Variants in PDZD2 observed in about 807,000 individuals in gnomAD.
PDZD2 encodes the protein PDZ domain-containing protein 2.
A neutral mutation model predicts 220.7 loss-of-function variants in PDZD2; 90 were observed. The observed-to-expected ratio is 0.41, with a 90% CI of 0.34 to 0.49. PDZD2 has a LOEUF of 0.49. Ranked by LOEUF, PDZD2 falls within the 20% of genes least tolerant of loss-of-function variation. The pLI is 0.28. For synonymous variants in PDZD2, 1,375 were observed against 1,450.5 expected (o/e 0.95, Z 1.18); for missense variants, 3,174 against 3,608.5 (o/e 0.88, Z 3.08).
intron 1 of PDZD2, among the ~76,000 whole-genome samples, chr5:31,678,682 C>T (rs1010818114): frequency 6.6e-6 from 1 of 152,208 alleles, no homozygotes; most frequent in East Asian, 1.9e-4. Flanking sequence ...GTGGCACAAT[C>T]TCGGCTCACT....
At chr5:31,736,464 C>T (rs1375430508) in intron 1 of PDZD2, among the ~76,000 whole-genome samples, 2 of 152,130 alleles carry the variant, frequency 1.3e-5, no homozygotes, top group African/African-American at 4.8e-5. Context: ...CCTTCTTGAC[C>T]CATTTGCCCA....
intron 2 of PDZD2, among the ~76,000 whole-genome samples, chr5:31,906,568 T>C (rs1240856608): frequency 6.6e-6 from 1 of 152,010 alleles, no homozygotes; most frequent in African/African-American, 2.4e-5. Context: ...TATAGCCGGG[T>C]GCAGTGGCTC....
At chr5:32,035,640 A>G (rs1755478338) in intron 6 of PDZD2, among the ~76,000 whole-genome samples, 1 of 151,252 alleles carries the variant, frequency 6.6e-6, no homozygotes, top group African/African-American at 2.4e-5. Context: ...CCAGCTATAT[A>G]CTGAATTTAA....
Position 31,760,179 on chromosome 5 carries a change from C to T in PDZD2, c.-360-38710C>T, listed in dbSNP as rs117236830. ...GCGTTGATGGCTCTTATGTTGAACT[C>T]AGGCACAATTGCATTAAAACACATA... On this transcript the variant is annotated intron_variant, in intron 1 of 24. Transcript: ENST00000438447. Among the ~76,000 whole-genome samples, 18 of 152,220 alleles carry T rather than the reference C, an allele frequency of 1.2e-4. No individual in the cohort carries two copies. The East Asian group carries it at 2.3e-3, about 20-fold the overall frequency.
intron 6 of PDZD2, among the ~76,000 whole-genome samples, chr5:32,021,008 A>T (rs536076595): frequency 1.3e-5 from 2 of 150,200 alleles, no homozygotes; most frequent in East Asian, 3.9e-4. Flanking sequence ...TGCCGGGGGG[A>T]AAAAAACCCC....
chr5:31,829,993 A>T (rs1325127612), intron 2 of PDZD2, among the ~76,000 whole-genome samples: 2 of 152,010 alleles, frequency 1.3e-5, no homozygotes, highest in Non-Finnish European at 2.9e-5. Context: ...GGTTGCAGTG[A>T]ACCAAGATCA....
intron 7 of PDZD2, among the ~76,000 whole-genome samples, chr5:32,041,337 G>T (rs1350817457): frequency 6.6e-6 from 1 of 152,022 alleles, no homozygotes; most frequent in Non-Finnish European, 1.5e-5. Context: ...GTACCCAACA[G>T]CTCCGAAGAG....
intron 1 of PDZD2, among the ~76,000 whole-genome samples, chr5:31,777,357 C>T (rs1374616564): frequency 6.6e-6 from 1 of 152,220 alleles, no homozygotes; most frequent in Non-Finnish European, 1.5e-5. Flanking sequence ...GGGCTCCGAA[C>T]CTGCAGCCCG....
intron 2 of PDZD2, among the ~76,000 whole-genome samples, chr5:31,803,866 T>C (rs1262093489): frequency 6.6e-6 from 1 of 151,852 alleles, no homozygotes; most frequent in African/African-American, 2.4e-5. Context: ...CAAGTCCCCA[T>C]CTCTATAAAA....
chr5:31,914,056 A>G (rs144073713), intron 2 of PDZD2, among the ~76,000 whole-genome samples: 11 of 152,278 alleles, frequency 7.2e-5, no homozygotes, highest in Admixed American at 2.6e-4. Flanking sequence ...CAACCCAACT[A>G]CAGTGTGCCC....
chr5:31,857,697 T>C (rs980735124), intron 2 of PDZD2, among the ~76,000 whole-genome samples: 1 of 152,216 alleles, frequency 6.6e-6, no homozygotes, highest in Admixed American at 6.5e-5. Context: ...AGTTTCATTG[T>C]AAGACTTGGT....
intron 2 of PDZD2, among the ~76,000 whole-genome samples, chr5:31,870,998 T>C (rs1176107936): frequency 6.6e-6 from 1 of 151,778 alleles, no homozygotes; most frequent in Admixed American, 6.6e-5. Context: ...TCACAGGAAG[T>C]GGTGTAAAAA....
intron 14 of PDZD2, among the ~76,000 whole-genome samples, chr5:32,065,401 TA>T (rs199614547): frequency 0.018 from 2,771 of 152,338 alleles, 30 homozygotes; most frequent in Non-Finnish European, 0.028. Flanking sequence ...GTTCCCAGGC[TA>T]CTGTGCTTGA....
At chr5:31,828,792 T>C (rs1756382026) in intron 2 of PDZD2, among the ~76,000 whole-genome samples, 1 of 152,254 alleles carries the variant, frequency 6.6e-6, no homozygotes, top group Non-Finnish European at 1.5e-5. Context: ...TGAGCCACCA[T>C]GCCCAGCTAG....
At position 32,101,387 on chromosome 5, in the gene PDZD2, A is replaced by G. The variant is rs181281343; in HGVS notation, c.8353+148A>G. The G allele has an allele frequency of 9.5e-4, 713 of 747,334 alleles. 9 individuals carry two copies. In the Middle Eastern group the frequency reaches 0.01, roughly 11 times the overall value. The allele number at this position is 747,334 out of a possible 1,614,324, so 46.3% of individuals were successfully genotyped here. A position where few individuals can be genotyped will look rare whatever the true frequency, so the allele number is the denominator to read the frequency against. On this transcript the variant is annotated intron_variant, in intron 24 of 24. Coordinates refer to ENST00000438447, the MANE Select transcript of PDZD2 (RefSeq NM_178140.4). The stretch of plus-strand genomic sequence containing the variant: ...CATACAAGGTTTATTCTGTATGGAC[A>G]TGTATTAACTCATGCCATCCACGTG...
At chr5:31,937,879 A>T (rs1333338019) in intron 2 of PDZD2, among the ~76,000 whole-genome samples, 2 of 152,192 alleles carry the variant, frequency 1.3e-5, no homozygotes, top group African/African-American at 4.8e-5. Context: ...TTCCTGCTGG[A>T]AGCGGTGTTC....
intron 2 of PDZD2, among the ~76,000 whole-genome samples, chr5:31,891,973 C>T (rs977862951): frequency 5.9e-5 from 9 of 152,082 alleles, no homozygotes; most frequent in Middle Eastern, 3.4e-3. Context: ...TGCAGTAGTG[C>T]GATCATAGCT....
intron 2 of PDZD2, among the ~76,000 whole-genome samples, chr5:31,920,907 C>T (rs1217445918): frequency 6.6e-6 from 1 of 152,212 alleles, no homozygotes; most frequent in Non-Finnish European, 1.5e-5. Flanking sequence ...CACTTAGTAA[C>T]ATGCCTTTAA....
intron 2 of PDZD2, among the ~76,000 whole-genome samples, chr5:31,801,260 G>A (rs983436972): frequency 1.3e-5 from 2 of 152,206 alleles, no homozygotes; most frequent in African/African-American, 4.8e-5. Flanking sequence ...GATGCTTTTA[G>A]CCAATGGCTA....
Sources: allele counts gnomAD v4.1 joint callset (sites outside exome capture counted in the v4.1 genomes callset), GRCh38; gene constraint gnomAD v4.1.1; transcripts MANE v1.5; gene names NCBI Gene and HGNC (gene_info 2026-07-23, HGNC 2026-07-21).